Variants in ABCA12 observed in about 807,000 individuals in gnomAD.
ABCA12 encodes the protein glucosylceramide transporter ABCA12.
ABCA12 carries 156 observed loss-of-function variants against 293.5 expected under a neutral mutation model. The observed-to-expected ratio is 0.53, with a 90% CI of 0.47 to 0.61. The LOEUF (loss-of-function observed/expected upper bound fraction) is 0.61. Among genes scored for constraint, ABCA12 ranks in the 20% least tolerant of loss-of-function variants. The pLI is 0.00. For missense variants in ABCA12, 2,797 were observed against 3,090.2 expected (o/e 0.91, Z 2.25); for synonymous variants, 1,063 against 1,108.0 (o/e 0.96, Z 0.81).
intron 23 of ABCA12, among the ~76,000 whole-genome samples, chr2:214,992,677 C>T (rs1190139086): frequency 6.6e-6 from 1 of 151,574 alleles, no homozygotes; most frequent in African/African-American, 2.4e-5. Context: ...GCCAGGCCAA[C>T]ATGGCAAAAC....
At position 214,943,492 on chromosome 2, in the gene ABCA12, C is replaced by A. The variant is rs1402078370; in HGVS notation, c.7344-475G>T. On this transcript the variant is annotated intron_variant, in intron 49 of 52. Coordinates refer to ENST00000272895, the MANE Select transcript of ABCA12 (RefSeq NM_173076.3). ...AGTTTTTAGTTCTTTTAAAGGAGAA[C>A]AAAAGCCAATCTCTTAAAATATAAA... is the stretch of plus-strand genomic sequence containing the variant. Among the ~76,000 whole-genome samples, 4 of 152,042 alleles carry A rather than the reference C, an allele frequency of 2.6e-5. No homozygotes were observed. The East Asian group carries it at 7.8e-4, about 29-fold the overall frequency.
At chr2:215,051,407 C>T (rs1701317147) in intron 5 of ABCA12, among the ~76,000 whole-genome samples, 1 of 152,086 alleles carries the variant, frequency 6.6e-6, no homozygotes, top group African/African-American at 2.4e-5. Context: ...CGCTTTTGTG[C>T]TGGCCTTTGG....
intron 9 of ABCA12, among the ~76,000 whole-genome samples, chr2:215,029,727 T>C (rs946830389): frequency 1.3e-5 from 2 of 152,240 alleles, no homozygotes; most frequent in Non-Finnish European, 1.5e-5. Flanking sequence ...AGTTTTGGCA[T>C]AAATACCCAA....
At chr2:215,043,937 T>C (rs779283244) in intron 7 of ABCA12, among the ~76,000 whole-genome samples, 2 of 152,096 alleles carry the variant, frequency 1.3e-5, no homozygotes, top group Non-Finnish European at 2.9e-5. Context: ...TATATATTTT[T>C]TGTTTTGATG....
chr2:215,134,209 T>G (rs142142143), intron 1 of ABCA12, among the ~76,000 whole-genome samples: 1 of 151,006 alleles, frequency 6.6e-6, no homozygotes, highest in Non-Finnish European at 1.5e-5. Context: ...AATTCTCTTC[T>G]CATTTTCTAT....
intron 3 of ABCA12, among the ~76,000 whole-genome samples, chr2:215,059,981 G>A (rs996712773): frequency 6.6e-6 from 1 of 151,812 alleles, no homozygotes; most frequent in Non-Finnish European, 1.5e-5. Flanking sequence ...TGTTCTCAAT[G>A]ACGACACTCT....
chr2:214,949,540 T>A (rs1246861229), intron 45 of ABCA12, among the ~76,000 whole-genome samples: 1 of 152,150 alleles, frequency 6.6e-6, no homozygotes, highest in East Asian at 1.9e-4. Flanking sequence ...ACAACTTCAC[T>A]GAATAAACTA....
chr2:214,996,566 G>T (rs1245040298), intron 23 of ABCA12, among the ~76,000 whole-genome samples: 1 of 152,240 alleles, frequency 6.6e-6, no homozygotes, highest in African/African-American at 2.4e-5. Context: ...ATTGGAATTA[G>T]AAAACCATTG....
At chr2:215,127,030 A>G (rs977588041) in intron 1 of ABCA12, among the ~76,000 whole-genome samples, 6 of 152,062 alleles carry the variant, frequency 3.9e-5, no homozygotes, top group Admixed American at 3.9e-4. Flanking sequence ...TTAAATTTCC[A>G]TATGATTTTT....
intron 7 of ABCA12, among the ~76,000 whole-genome samples, chr2:215,045,507 TTG>T (rs1220042999): frequency 6.6e-6 from 1 of 152,184 alleles, no homozygotes; most frequent in East Asian, 1.9e-4. Flanking sequence ...AGAGCTCAGG[TTG>T]TCCCTGAATG....
Position 214,975,959 on chromosome 2 carries a change from C to T in ABCA12, c.5207G>A (p.Arg1736Lys), listed in dbSNP as rs1212815346. Reference sequence around the variant, plus strand: ...CCAGTTCCTGCGGGTGTGGTGGAACCTCTTGATGAGTATAGCCATGATCTT... The same window carrying T: ...CCAGTTCCTGCGGGTGTGGTGGAACTTCTTGATGAGTATAGCCATGATCTT... ...LKKIMAILIK[R>K]FHHTRRNWKG... Residue 1736 changes from arginine (R) to lysine (K), a missense_variant, in exon 34 of 53, where the codon AGG (arginine) becomes AAG (lysine). Arg to Lys is a conservative substitution (Grantham distance 26). Transcript: ENST00000272895. 2 of 1,613,924 alleles carry T rather than the reference C, an allele frequency of 1.2e-6. No individual in the cohort carries two copies. The highest frequency in any genetic ancestry group is 1.1e-5 in the South Asian group (1 of 91,076).
chr2:215,013,560 G>A (rs775043000), intron 15 of ABCA12: 1 of 154,226 alleles, frequency 6.5e-6, no homozygotes, highest in Non-Finnish European at 1.5e-5. Context: ...TTGCAGTTCT[G>A]CCAGAATTCT....
At chr2:215,059,429 C>G (rs564544323) in intron 3 of ABCA12, among the ~76,000 whole-genome samples, 1 of 152,182 alleles carries the variant, frequency 6.6e-6, no homozygotes, top group South Asian at 2.1e-4. Flanking sequence ...GTCATCCATA[C>G]TTCAGCTATG....
At chr2:215,011,899 TGAATGTA>T (rs1700384435) in intron 16 of ABCA12, 65 bp downstream of exon 16, 1 of 1,416,494 alleles carries the variant, frequency 7.1e-7, no homozygotes, top group Non-Finnish European at 9.9e-7. Flanking sequence ...CGATTGAAGC[TGAATGTA>T]TTATAACTAC....
In ABCA12 at chr2:214,948,856, G is replaced by T; in HGVS notation, c.6963-119C>A. The T allele has an allele frequency of 2.3e-6, 3 of 1,310,156 alleles. No individual in the cohort carries two copies. The South Asian group carries it at 3.7e-5, about 16-fold the overall frequency. The allele number at this position is 1,310,156 out of a possible 1,614,324, so 81.2% of individuals were successfully genotyped here. On this transcript the variant is annotated intron_variant, in intron 46 of 52. Transcript: ENST00000272895. ...GTGGTCAGTGACTTTGATAAAAAGG[G>T]ATAAAATAATCCCACTATCAAATTC...
chr2:214,938,780 A>G (rs949958606), intron 50 of ABCA12, among the ~76,000 whole-genome samples: 3 of 152,160 alleles, frequency 2.0e-5, no homozygotes, highest in Non-Finnish European at 4.4e-5. Flanking sequence ...GTCTGTTCAT[A>G]TCCTTTGACC....
intron 18 of ABCA12, among the ~76,000 whole-genome samples, chr2:215,008,774 G>C (rs556094707): frequency 8.6e-5 from 13 of 151,774 alleles, no homozygotes; most frequent in African/African-American, 3.1e-4. Context: ...GGGGAGGTGA[G>C]AACCAAATAC....
chr2:215,084,651 T>C (rs1702004365), intron 2 of ABCA12, among the ~76,000 whole-genome samples: 1 of 152,152 alleles, frequency 6.6e-6, no homozygotes, highest in African/African-American at 2.4e-5. Flanking sequence ...CCCAACTGCA[T>C]AAAATTTGAT....
chr2:215,002,322 C>G (rs1312350116), intron 20 of ABCA12, among the ~76,000 whole-genome samples: 2 of 152,082 alleles, frequency 1.3e-5, no homozygotes, highest in Admixed American at 1.3e-4. Flanking sequence ...CTTTTGATAT[C>G]TGTATTAATC....
Sources: allele counts gnomAD v4.1 joint callset (sites outside exome capture counted in the v4.1 genomes callset), GRCh38; gene constraint gnomAD v4.1.1; transcripts MANE v1.5; gene names NCBI Gene and HGNC (gene_info 2026-07-23, HGNC 2026-07-21).